Variants in SIGLEC7 observed in about 807,000 individuals in gnomAD.
SIGLEC7 encodes sialic acid-binding Ig-like lectin 7.
Under a neutral mutation model 40.8 loss-of-function variants are expected in SIGLEC7, and 33 were observed. The observed-to-expected ratio is 0.81, with a 90% CI of 0.61 to 1.08. The LOEUF (loss-of-function observed/expected upper bound fraction) is 1.08, where lower values mean the gene tolerates loss of function less well. Among genes scored for constraint, SIGLEC7 ranks in the 50% least tolerant of loss-of-function variants. The pLI, the probability that SIGLEC7 is intolerant of heterozygous loss-of-function variation, is 0.00. For missense variants in SIGLEC7, 513 were observed against 576.1 expected, an observed-to-expected ratio of 0.89 and a Z score of 1.12; for synonymous variants, 242 against 237.6, an observed-to-expected ratio of 1.02 and a Z score of -0.17.
In SIGLEC7 at chr19:51,153,445, G is replaced by A. The variant is rs1777838174; in HGVS notation, c.*200G>A. Reference sequence around the variant, plus strand: ...CCAATCGGTCCACACTCCCCGCCCTGGCCTCTGGTACCCACCATTCTCCTC... The same window carrying A: ...CCAATCGGTCCACACTCCCCGCCCTAGCCTCTGGTACCCACCATTCTCCTC... On this transcript the variant is annotated 3_prime_UTR_variant, in exon 7 of 7. Coordinates refer to ENST00000317643, the MANE Select transcript of SIGLEC7 (RefSeq NM_014385.4). 1 of 392,700 alleles carries A rather than the reference G, an allele frequency of 2.5e-6. No homozygotes were observed. Among genetic ancestry groups the A allele is most frequent in the Non-Finnish European group, 4.5e-6 (1 of 220,134 alleles). The allele number at this position is 392,700 out of a possible 1,614,324, so 24.3% of individuals were successfully genotyped here. A position where few individuals can be genotyped will look rare whatever the true frequency, so the allele number is the denominator to read the frequency against.
intron 6 of SIGLEC7, among the ~76,000 whole-genome samples, chr19:51,151,763 T>A (rs539823922): frequency 1.3e-5 from 2 of 152,338 alleles, no homozygotes; most frequent in East Asian, 3.9e-4. Context: ...ACTCAGCCAC[T>A]TAAGTGGTAG....
chr19:51,144,213 A>G, intron 1 of SIGLEC7, 193 bp from the exon 2 acceptor site: 2 of 819,394 alleles, frequency 2.4e-6, no homozygotes, highest in African/African-American at 1.7e-5. Context: ...GATAAGGCAC[A>G]GGCTCCAGGA....
rs113693279 is a variant in SIGLEC7, at chr19:51,152,970, C to T, written c.1222-93C>T. 4,392 of 1,129,588 alleles carry T rather than the reference C, an allele frequency of 3.9e-3. 126 individuals carry two copies. The African/African-American group carries it at 0.061, about 16-fold the overall frequency. The allele number at this position is 1,129,588 out of a possible 1,614,324, so 70.0% of individuals were successfully genotyped here. On this transcript the variant is annotated intron_variant, in intron 6 of 6. Coordinates refer to ENST00000317643, the MANE Select transcript of SIGLEC7 (RefSeq NM_014385.4). ...TTAATTCTATACAGAGGAATATATCCGAACCAACCAACCGATCAAACAACT... is the reference window on the plus strand; with the variant it reads ...TTAATTCTATACAGAGGAATATATCTGAACCAACCAACCGATCAAACAACT...
chr19:51,144,139 C>G, intron 1 of SIGLEC7: 1 of 724,296 alleles, frequency 1.4e-6, no homozygotes, highest in African/African-American at 1.7e-5. Flanking sequence ...ACTACTACTT[C>G]CAGGTGGAGA....
rs574290957 is a variant in SIGLEC7 at position 51,142,782 on chromosome 19, A to C, written c.413A>C (p.Gln138Pro). Residue 138 changes from glutamine to proline, a missense_variant, in exon 1 of 7, where the codon CAG (glutamine) becomes CCG (proline). Coordinates refer to ENST00000317643, the MANE Select transcript of SIGLEC7 (RefSeq NM_014385.4). This position sits in a 1 kb window ranked among gnomAD's most constrained non-coding sequence, Gnocchi z 5.0. ...ATAAAATGGAATTATAAATATGACC[A>C]GCTCTCTGTGAACGTGACAGGTAAG... ...GNIKWNYKYD[Q>P]LSVNVTALTH... 8 of 1,598,926 alleles carry C rather than the reference A, an allele frequency of 5.0e-6. No homozygotes were observed. Among genetic ancestry groups the C allele is most frequent in the South Asian group, 1.1e-5 (1 of 88,384 alleles).
intron 6 of SIGLEC7, among the ~76,000 whole-genome samples, chr19:51,151,150 C>T (rs753419950): frequency 2.2e-4 from 34 of 152,106 alleles, no homozygotes; most frequent in Non-Finnish European, 3.8e-4. Flanking sequence ...ACCAAGATAG[C>T]AGCAGTGGTA....
At position 51,145,940 on chromosome 19, in the gene SIGLEC7, C is replaced by A; in HGVS notation, c.846C>A (p.Pro282=). Residue 282 remains proline (P), a synonymous_variant, in exon 4 of 7, where the codon CCC becomes CCA. Transcript: ENST00000317643. This position sits in a 1 kb window ranked among gnomAD's most constrained non-coding sequence, Gnocchi z 4.3. The part of the protein sequence containing the change: ...LRLVCAVDSN[P]PARLSWTWRS... Reference sequence around the variant, plus strand: ...TGGTCTGTGCTGTTGACAGCAATCCCCCTGCCAGGCTGAGCTGGACCTGGA... The same window carrying A: ...TGGTCTGTGCTGTTGACAGCAATCCACCTGCCAGGCTGAGCTGGACCTGGA... 6.2e-7 allele frequency: 1 copy of A among 1,614,214 alleles called. No individual in the cohort carries two copies. The highest frequency in any genetic ancestry group is 8.5e-7 in the Non-Finnish European group (1 of 1,180,044).
intron 6 of SIGLEC7, among the ~76,000 whole-genome samples, chr19:51,148,765 C>T (rs1384094694): frequency 6.6e-6 from 1 of 152,174 alleles, no homozygotes; most frequent in Non-Finnish European, 1.5e-5. Flanking sequence ...AATTACCATA[C>T]TGCTTTCCAC....
intron 6 of SIGLEC7, 196 bp from the exon 7 acceptor site, chr19:51,152,866 TG>T (rs1236663244): frequency 2.4e-6 from 1 of 422,426 alleles, no homozygotes; most frequent in Non-Finnish European, 4.2e-6. Flanking sequence ...GCTCAATAAG[TG>T]TTAAATATTG....
intron 6 of SIGLEC7, among the ~76,000 whole-genome samples, chr19:51,152,066 A>G (rs929040781): frequency 3.3e-5 from 5 of 152,174 alleles, no homozygotes; most frequent in African/African-American, 1.2e-4. Flanking sequence ...CACAACCCCA[A>G]AATGGGTGTC....
chr19:51,142,882 T>A lies in SIGLEC7; in HGVS notation c.433+80T>A, dbSNP rs2092079330. The A allele has an allele frequency of 7.0e-7, 1 of 1,431,906 alleles. No homozygotes were observed. Among genetic ancestry groups the A allele is most frequent in the Admixed American group, 2.1e-5 (1 of 47,138 alleles). 88.7% of individuals were successfully genotyped at this position (1,431,906 alleles called of 1,614,324 possible). Reference sequence around the variant, plus strand: ...CACGGCTGAGACGGGACACATGTCCTGGGAGGGGGCCGGGGGTGATGGACT... The same window carrying A: ...CACGGCTGAGACGGGACACATGTCCAGGGAGGGGGCCGGGGGTGATGGACT... On this transcript the variant is annotated intron_variant, in intron 1 of 6. Transcript: ENST00000317643. The surrounding 1 kb of genome is among the most constrained non-coding windows in gnomAD (Gnocchi z 5.0).
intron 4 of SIGLEC7, 85 bp downstream of exon 4, chr19:51,146,206 C>A: frequency 4.6e-6 from 7 of 1,533,912 alleles, no homozygotes; most frequent in Non-Finnish European, 6.2e-6. Context: ...CAAGGGGGAG[C>A]TCAGCTCTGG....
In SIGLEC7 at chr19:51,152,971, G is replaced by A. The variant is rs145460774; in HGVS notation, c.1222-92G>A. 3,470 of 1,148,466 alleles carry A rather than the reference G, an allele frequency of 3.0e-3. 14 individuals carry two copies. The highest frequency in any genetic ancestry group is 3.8e-3 in the Non-Finnish European group (3,241 of 845,840). 71.1% of individuals were successfully genotyped at this position (1,148,466 alleles called of 1,614,324 possible). A position where few individuals can be genotyped will look rare whatever the true frequency, so the allele number is the denominator to read the frequency against. On this transcript the variant is annotated intron_variant, in intron 6 of 6. Transcript: ENST00000317643. ...TAATTCTATACAGAGGAATATATCC[G>A]AACCAACCAACCGATCAAACAACTT...
In SIGLEC7 at chr19:51,153,127, CAGG is replaced by C; in HGVS notation, c.1287_1289del (p.Gly430del). On this transcript the variant is annotated inframe_deletion, in exon 7 of 7. Coordinates refer to ENST00000317643, the MANE Select transcript of SIGLEC7 (RefSeq NM_014385.4). ...CACCATGGCCTGGCTGCCCACTCCT[CAGG>C]GGAGGAAAGAGAGATCCAGTATGCA... 1 of 1,609,380 alleles carries C rather than the reference CAGG, an allele frequency of 6.2e-7. No homozygotes were observed. The highest frequency in any genetic ancestry group is 8.5e-7 in the Non-Finnish European group (1 of 1,177,804).
rs576616555 is a variant in SIGLEC7 at position 51,146,815 on chromosome 19, C to T, written c.1089C>T (p.Ala363=). The T allele has an allele frequency of 6.2e-7, 1 of 1,613,990 alleles. No individual in the cohort carries two copies. The highest frequency in any genetic ancestry group is 1.7e-5 in the Admixed American group (1 of 59,996). Residue 363 remains alanine, a synonymous_variant, in exon 5 of 7, where the codon GCC becomes GCT. Transcript: ENST00000317643. ...LGAVGGAGAT[A]LVFLSFCVIF... ...CGGTCGGGGGAGCTGGAGCCACAGC[C>T]CTGGTCTTCCTCTCCTTCTGTGTCA...
intron 6 of SIGLEC7, 142 bp from the exon 7 acceptor site, chr19:51,152,921 G>C (rs2092153316): frequency 1.8e-6 from 1 of 543,114 alleles, no homozygotes; most frequent in South Asian, 6.1e-5. Context: ...ATGAACGTGG[G>C]ATAGAGGCAG....
rs112880201 is a variant in SIGLEC7, at chr19:51,144,062, C to A, written c.434-344C>A. ...GGAGACACGGGGCCGATTCCACCTC[C>A]TTGGGGACCTGAAGACCAACAACTG... On this transcript the variant is annotated intron_variant, in intron 1 of 6. Transcript: ENST00000317643. The A allele has an allele frequency of 7.2e-3, 4,418 of 611,284 alleles. 29 individuals are homozygous for A. Among genetic ancestry groups the A allele is most frequent in the Non-Finnish European group, 0.01 (3,292 of 314,300 alleles). The allele number at this position is 611,284 out of a possible 1,614,324, so 37.9% of individuals were successfully genotyped here.
intron 4 of SIGLEC7, among the ~76,000 whole-genome samples, chr19:51,146,365 A>T (rs1568621180): frequency 6.6e-6 from 1 of 152,058 alleles, no homozygotes; most frequent in Non-Finnish European, 1.5e-5. Flanking sequence ...GTTTGGGGAG[A>T]CACGTGCCTT....
At chr19:51,147,397 A>G (rs912740931) in intron 6 of SIGLEC7, 80 bp downstream of exon 6, 1 of 1,230,464 alleles carries the variant, frequency 8.1e-7, no homozygotes, top group Admixed American at 2.5e-5. Flanking sequence ...TTCTCTGCTT[A>G]TCATGGCCAA....
Sources: allele counts gnomAD v4.1 joint callset (sites outside exome capture counted in the v4.1 genomes callset), GRCh38; gene constraint gnomAD v4.1.1; non-coding constraint Gnocchi (gnomAD v3.1); transcripts MANE v1.5; gene names NCBI Gene and HGNC (gene_info 2026-07-23, HGNC 2026-07-21).